Variants in DPP6 observed in about 807,000 individuals in gnomAD.
DPP6 encodes the protein A-type potassium channel modulatory protein DPP6.
Under a neutral mutation model 122.6 loss-of-function variants are expected in DPP6, and 69 were observed. That is an observed-to-expected ratio of 0.56 (90% CI 0.46 to 0.69). DPP6 has a LOEUF of 0.69. DPP6 is among the 30% of genes least tolerant of loss of function. DPP6 has a pLI of 0.00. For missense variants in DPP6, 928 were observed against 1,116.9 expected (o/e 0.83, Z 2.41); for synonymous variants, 418 against 433.1 (o/e 0.97, Z 0.43).
In DPP6 at chr7:154,733,611, T is replaced by G. The variant is rs1309743506; in HGVS notation, c.883+5724T>G. Among the ~76,000 whole-genome samples the G allele has an allele frequency of 3.3e-5, 5 of 152,306 alleles. No homozygotes were observed. In the East Asian group the frequency reaches 9.7e-4, roughly 29 times the overall value. On this transcript the variant is annotated intron_variant, in intron 8 of 25. Transcript: ENST00000377770. ...GAATTTTGGGGGTGGGGCAATTCCA[T>G]GCTTTATTGTCTTGAGTATTCAAGG...
At chr7:153,774,967 C>G in the DPP6 span, among the ~76,000 whole-genome samples, 3 of 151,228 alleles carry the variant, frequency 2.0e-5, no homozygotes, top group Admixed American at 1.3e-4. Context: ...GAGCAAGACC[C>G]TGTCTTGGAA....
chr7:154,828,146 G>A lies in DPP6; in HGVS notation c.1666+21034G>A, dbSNP rs1172073796. 2.6e-5 allele frequency among the ~76,000 whole-genome samples: 4 copies of A among 152,232 alleles called. No homozygotes were observed. In the East Asian group the frequency reaches 7.7e-4, roughly 29 times the overall value. On this transcript the variant is annotated intron_variant, in intron 16 of 25. Transcript: ENST00000377770. ...CCTGTGTGAATTTCCTGAATGTAACGGTAATGCTGTGGTTCTGGAGGAGAA... is the reference window on the plus strand; with the variant it reads ...CCTGTGTGAATTTCCTGAATGTAACAGTAATGCTGTGGTTCTGGAGGAGAA...
chr7:154,615,720 A>G (rs921635782), intron 5 of DPP6, among the ~76,000 whole-genome samples: 3 of 122,988 alleles, frequency 2.4e-5, no homozygotes, highest in Admixed American at 9.0e-5. Context: ...CACTATCTAT[A>G]CACAAAACTT....
chr7:153,985,727 A>G (rs958523606), intron 1 of DPP6, among the ~76,000 whole-genome samples: 6 of 152,216 alleles, frequency 3.9e-5, no homozygotes, highest in Non-Finnish European at 8.8e-5. Flanking sequence ...AAGGAAAATG[A>G]CTAAATAACA....
intron 10 of DPP6, among the ~76,000 whole-genome samples, chr7:154,779,109 C>T (rs951157422): frequency 1.0e-3 from 1 of 978 alleles, no homozygotes; most frequent in African/African-American, 2.5e-3. Flanking sequence ...ACCACCACCC[C>T]CACCATCACC....
At chr7:153,867,390 G>A in the DPP6 span, among the ~76,000 whole-genome samples, 3 of 152,132 alleles carry the variant, frequency 2.0e-5, no homozygotes, top group African/African-American at 7.2e-5. Flanking sequence ...GGATTCCTAA[G>A]TATTTTATTC....
intron 1 of DPP6, among the ~76,000 whole-genome samples, chr7:154,103,474 C>T (rs560902354): frequency 6.6e-6 from 1 of 152,282 alleles, no homozygotes; most frequent in African/African-American, 2.4e-5. Context: ...TTGCAGGGCA[C>T]CACTGGCCAG....
chr7:154,325,372 C>CA (rs1284188342), intron 1 of DPP6, among the ~76,000 whole-genome samples: 1 of 152,138 alleles, frequency 6.6e-6, no homozygotes, highest in Non-Finnish European at 1.5e-5. Flanking sequence ...CCCTTAATGA[C>CA]AAAAAATACT....
chr7:154,040,356 A>G (rs151213448), intron 1 of DPP6, among the ~76,000 whole-genome samples: 6,023 of 146,792 alleles, frequency 0.041, 373 homozygotes, highest in African/African-American at 0.15. Context: ...GATCAAAATA[A>G]GGAAAAACAC....
chr7:154,892,597 TAGCATGTGTGTCTCGGATGCGGAA>T lies in DPP6; in HGVS notation c.*118_*141del. The stretch of plus-strand genomic sequence containing the variant: ...GGGCGGGGCGGGGCCGGGTGTTCCA[TAGCATGTGTGTCTCGGATGCGGAA>T]GGCAGTTTTGCTTGGGAAACAAGCT... On this transcript the variant is annotated 3_prime_UTR_variant, in exon 26 of 26. Transcript: ENST00000377770. 1 of 1,543,900 alleles carries T rather than the reference TAGCATGTGTGTCTCGGATGCGGAA, an allele frequency of 6.5e-7. No individual in the cohort carries two copies. The highest frequency in any genetic ancestry group is 1.2e-5 in the South Asian group (1 of 81,100).
At chr7:154,195,839 T>G (rs1798838668) in intron 1 of DPP6, among the ~76,000 whole-genome samples, 1 of 152,162 alleles carries the variant, frequency 6.6e-6, no homozygotes, top group Non-Finnish European at 1.5e-5. Context: ...AGTGTGTCCT[T>G]GCACTCCCTG....
intron 1 of DPP6, among the ~76,000 whole-genome samples, chr7:154,159,668 G>A (rs1324800662): frequency 6.6e-6 from 1 of 152,296 alleles, no homozygotes; most frequent in Non-Finnish European, 1.5e-5. Flanking sequence ...ATGTCAGGGA[G>A]CCATCAGGCA....
the DPP6 span, among the ~76,000 whole-genome samples, chr7:153,872,889 A>G: frequency 3.3e-5 from 5 of 152,348 alleles, no homozygotes; most frequent in African/African-American, 9.6e-5. Context: ...ACCAACTACA[A>G]TTGAACTTTT....
chr7:154,892,748 C>T lies in DPP6; in HGVS notation c.*268C>T, dbSNP rs1281257022. 1.4e-6 allele frequency: 1 copy of T among 691,522 alleles called. No individual in the cohort carries two copies. The highest frequency in any genetic ancestry group is 2.6e-6 in the Non-Finnish European group (1 of 383,458). 42.8% of individuals were successfully genotyped at this position (691,522 alleles called of 1,614,324 possible). A position where few individuals can be genotyped will look rare whatever the true frequency, so the allele number is the denominator to read the frequency against. ...CGCCCGAGAGACCGGCACGCCACGGCCCCTCCCCCAAGGAACAGAGCAAAG... is the reference window on the plus strand; with the variant it reads ...CGCCCGAGAGACCGGCACGCCACGGTCCCTCCCCCAAGGAACAGAGCAAAG... On this transcript the variant is annotated 3_prime_UTR_variant, in exon 26 of 26. Coordinates refer to ENST00000377770, the MANE Select transcript of DPP6 (RefSeq NM_130797.4).
intron 23 of DPP6, among the ~76,000 whole-genome samples, chr7:154,888,037 G>A (rs1440870429): frequency 1.3e-5 from 2 of 151,826 alleles, no homozygotes; most frequent in Non-Finnish European, 2.9e-5. Context: ...ATGTGCACAG[G>A]ACTCCTGGCT....
the DPP6 span, among the ~76,000 whole-genome samples, chr7:153,870,249 C>G: frequency 6.6e-6 from 1 of 152,186 alleles, no homozygotes; most frequent in Non-Finnish European, 1.5e-5. Context: ...AGAGCATTTT[C>G]CAACTTGATT....
intron 1 of DPP6, among the ~76,000 whole-genome samples, chr7:153,966,289 A>ACGTGTTCC (rs1563057465): frequency 6.6e-6 from 1 of 150,486 alleles, no homozygotes; most frequent in Admixed American, 6.6e-5. Context: ...GCACGTGTTC[A>ACGTGTTCC]TGTTTGTGCA....
the DPP6 span, among the ~76,000 whole-genome samples, chr7:153,823,640 G>C: frequency 6.7e-6 from 1 of 149,936 alleles, no homozygotes. Flanking sequence ...TATACTCCCC[G>C]GGGATCAGGG....
intron 2 of DPP6, among the ~76,000 whole-genome samples, chr7:154,456,738 A>AGAGGGAGATTTGACACAGACG (rs757755368): frequency 4.4e-5 from 5 of 113,856 alleles, no homozygotes; most frequent in African/African-American, 6.0e-5. Context: ...AGAAGGAAAT[A>AGAGGGAGATTTGACACAGACG]AGAATGCTTG....
Sources: allele counts gnomAD v4.1 joint callset (sites outside exome capture counted in the v4.1 genomes callset), GRCh38; gene constraint gnomAD v4.1.1; transcripts MANE v1.5; gene names NCBI Gene and HGNC (gene_info 2026-07-23, HGNC 2026-07-21).